Variants in ZMYND15 observed in about 807,000 individuals in gnomAD.
ZMYND15 encodes zinc finger MYND-type containing 15, also known as zinc finger MYND domain-containing protein 15.
Under a neutral mutation model 81.7 loss-of-function variants are expected in ZMYND15, and 54 were observed. That is an observed-to-expected ratio of 0.66 (90% CI 0.53 to 0.83). ZMYND15 has a LOEUF of 0.83. ZMYND15 is among the 40% of genes least tolerant of loss of function. The probability of loss-of-function intolerance (pLI) is 0.00; values close to 1 mark genes in which losing one functional copy is unlikely to be tolerated. For synonymous variants in ZMYND15, 399 were observed against 387.0 expected (o/e 1.03, Z -0.36); for missense variants, 925 against 973.5 (o/e 0.95, Z 0.66).
At chr17:4,741,240 A>G (rs962910357) in intron 2 of ZMYND15, 100 bp downstream of exon 2, 55 of 1,300,014 alleles carry the variant, frequency 4.2e-5, no homozygotes, top group Non-Finnish European at 5.1e-5. Flanking sequence ...CTTCAGGCCA[A>G]TCTGGCCTGA....
chr17:4,742,313 C>T lies in ZMYND15; in HGVS notation c.984-18C>T. 6.2e-7 allele frequency: 1 copy of T among 1,612,410 alleles called. No homozygotes were observed. Among genetic ancestry groups the T allele is most frequent in the Non-Finnish European group, 8.5e-7 (1 of 1,178,814 alleles). Reference sequence around the variant, plus strand: ...ACAGAGGTTAACACTAGGTGCCCACCACCCGCTGTGTCCCCAGCCCCCAGT... The same window carrying T: ...ACAGAGGTTAACACTAGGTGCCCACTACCCGCTGTGTCCCCAGCCCCCAGT... On this transcript the variant is annotated intron_variant, in intron 4 of 13. Coordinates refer to ENST00000433935, the MANE Select transcript of ZMYND15 (RefSeq NM_001136046.3).
chr17:4,743,725 G>T lies in ZMYND15; in HGVS notation c.1298-42G>T. The stretch of plus-strand genomic sequence containing the variant: ...GGAAGAAAGAGATGGGTCAGGTGGG[G>T]GTCTCCCTGACCCCAGGCCCCTCCT... On this transcript the variant is annotated intron_variant, in intron 6 of 13. Transcript: ENST00000433935. This position sits in a 1 kb window ranked among gnomAD's most constrained non-coding sequence, Gnocchi z 4.3. 1 of 1,570,484 alleles carries T rather than the reference G, an allele frequency of 6.4e-7. No individual in the cohort carries two copies. The highest frequency in any genetic ancestry group is 1.1e-5 in the South Asian group (1 of 87,334).
chr17:4,740,137 C>G (rs1916318426), intron 1 of ZMYND15, 87 bp downstream of exon 1: 1 of 936,086 alleles, frequency 1.1e-6, no homozygotes, highest in Non-Finnish European at 1.3e-6. Flanking sequence ...CCCCCTCGCT[C>G]CCACTCCCAT....
In ZMYND15 at chr17:4,744,705, C is replaced by G; in HGVS notation, c.1764C>G (p.Arg588=). Reference sequence around the variant, plus strand: ...CTGGCACTAAGGAGAAAGGGGGCCGCAGGGACCTGCAGATCAAGGTGTCAG... The same window carrying G: ...CTGGCACTAAGGAGAAAGGGGGCCGGAGGGACCTGCAGATCAAGGTGTCAG... ...PSSGTKEKGG[R]RDLQIKVSAR... Residue 588 remains arginine (R), a synonymous_variant, in exon 11 of 14, where the codon CGC becomes CGG. Transcript: ENST00000433935. The surrounding 1 kb of genome is among the most constrained non-coding windows in gnomAD (Gnocchi z 4.1). 1 of 1,614,096 alleles carries G rather than the reference C, an allele frequency of 6.2e-7. No homozygotes were observed. The highest frequency in any genetic ancestry group is 8.5e-7 in the Non-Finnish European group (1 of 1,180,014).
chr17:4,741,537 T>C (rs1209010181), intron 2 of ZMYND15, 45 bp from the exon 3 acceptor site: 4 of 1,607,024 alleles, frequency 2.5e-6, no homozygotes, highest in Middle Eastern at 1.6e-4. Flanking sequence ...ACCACATTTG[T>C]CTCTCGCTGC....
rs772756482 is a variant in ZMYND15, at chr17:4,743,419, C to G, written c.1261C>G (p.Arg421Gly). The change falls in exon 6 of 14, where the codon CGA becomes GGA. Residue 421 changes from arginine (R) to glycine (G), a missense_variant. Transcript: ENST00000433935. The surrounding 1 kb of genome is among the most constrained non-coding windows in gnomAD (Gnocchi z 4.3). ...IPGPGFSRHP[R>G]GNTPSLSLLR... ...AGGCCCGGGCTTCTCCAGACACCCC[C>G]GAGGCAACACGCCATCCCTCAGCCT... 6.2e-7 allele frequency: 1 copy of G among 1,613,808 alleles called. No homozygotes were observed. The highest frequency in any genetic ancestry group is 1.7e-5 in the Admixed American group (1 of 60,008).
chr17:4,740,627 GC>G lies in ZMYND15; in HGVS notation c.80del (p.Ala27GlufsTer6). ...CTTCGGCTGGTTCCGAAAGTTTGTG[GC>G]AGAGCGTGGAGCTGTAGGGACTAGC... ...LLFGWFRKFV[A>X]ERGAVGTSLE... On this transcript the variant is annotated frameshift_variant, in exon 2 of 14. Coordinates refer to ENST00000433935, the MANE Select transcript of ZMYND15 (RefSeq NM_001136046.3). LOFTEE classifies it high-confidence loss of function. The G allele has an allele frequency of 6.2e-7, 1 of 1,613,658 alleles. No homozygotes were observed. The highest frequency in any genetic ancestry group is 1.1e-5 in the South Asian group (1 of 91,040).
At position 4,745,523 on chromosome 17, in the gene ZMYND15, C is replaced by T. The variant is rs1188346695; in HGVS notation, c.2057+148C>T. ...CAGCAACCTGCCTTCTCTGTCCCCA[C>T]TACTCGTCGCCCCCATGGGAGGTCT... On this transcript the variant is annotated intron_variant, in intron 13 of 13. Coordinates refer to ENST00000433935, the MANE Select transcript of ZMYND15 (RefSeq NM_001136046.3). This position sits in a 1 kb window ranked among gnomAD's most constrained non-coding sequence, Gnocchi z 5.2. 1 of 928,394 alleles carries T rather than the reference C, an allele frequency of 1.1e-6. No individual in the cohort carries two copies. The highest frequency in any genetic ancestry group is 1.7e-5 in the African/African-American group (1 of 59,420). The allele number at this position is 928,394 out of a possible 1,614,324, so 57.5% of individuals were successfully genotyped here.
In ZMYND15 at chr17:4,746,078, A is replaced by C; in HGVS notation, c.*88A>C. 1 of 1,278,932 alleles carries C rather than the reference A, an allele frequency of 7.8e-7. No homozygotes were observed. Among genetic ancestry groups the C allele is most frequent in the Non-Finnish European group, 1.0e-6 (1 of 987,884 alleles). The allele number at this position is 1,278,932 out of a possible 1,614,324, so 79.2% of individuals were successfully genotyped here. On this transcript the variant is annotated 3_prime_UTR_variant, in exon 14 of 14. Coordinates refer to ENST00000433935, the MANE Select transcript of ZMYND15 (RefSeq NM_001136046.3). ...GGCCTAGGGGGAGGACAGGTTGGTA[A>C]AACATGAAAAGGTAAATAAAATTAC...
Position 4,741,095 on chromosome 17 carries a change from G to A in ZMYND15, c.547G>A (p.Val183Met). 6.5e-7 allele frequency: 1 copy of A among 1,530,008 alleles called. No homozygotes were observed. Among genetic ancestry groups the A allele is most frequent in the African/African-American group, 1.4e-5 (1 of 72,638 alleles). 94.8% of individuals were successfully genotyped at this position (1,530,008 alleles called of 1,614,324 possible). ...GGKDGCREDR[V>M]ENETRPQKRK... ...CAAGGATGGCTGCCGAGAGGACAGG[G>A]TGGAGAACGAAACAAGACCCCAGAA... The change falls in exon 2 of 14, where the codon GTG becomes ATG. Residue 183 changes from valine to methionine, a missense_variant. Coordinates refer to ENST00000433935, the MANE Select transcript of ZMYND15 (RefSeq NM_001136046.3).
At position 4,743,977 on chromosome 17, in the gene ZMYND15, C is replaced by T; in HGVS notation, c.1379-14C>T. 1 of 1,554,414 alleles carries T rather than the reference C, an allele frequency of 6.4e-7. No individual in the cohort carries two copies. The highest frequency in any genetic ancestry group is 8.7e-7 in the Non-Finnish European group (1 of 1,147,924). On this transcript the variant is annotated splice_polypyrimidine_tract_variant and intron_variant, in intron 7 of 13. Coordinates refer to ENST00000433935, the MANE Select transcript of ZMYND15 (RefSeq NM_001136046.3). The surrounding 1 kb of genome is among the most constrained non-coding windows in gnomAD (Gnocchi z 4.3). ...GGTCCAGGGCCAGGTCCTCTAGCAA[C>T]CCTCTCCTGCCAGGCTCATGGCAGG...
Position 4,745,874 on chromosome 17 carries a change from G to A in ZMYND15, c.2113G>A (p.Ala705Thr), listed in dbSNP as rs201991041. ...LVYKPAQGSG[A>T]RPAPGPPPPS... The stretch of plus-strand genomic sequence containing the variant: ...TTACAAGCCTGCTCAAGGGAGCGGG[G>A]CCCGCCCGGCGCCCGGGCCCCCACC... Residue 705 changes from alanine (A) to threonine (T), a missense_variant, in exon 14 of 14, where the codon GCC becomes ACC. Coordinates refer to ENST00000433935, the MANE Select transcript of ZMYND15 (RefSeq NM_001136046.3). This position sits in a 1 kb window ranked among gnomAD's most constrained non-coding sequence, Gnocchi z 5.2. 2.3e-4 allele frequency: 366 copies of A among 1,574,936 alleles called. No homozygotes were observed. The highest frequency in any genetic ancestry group is 2.8e-4 in the Non-Finnish European group (326 of 1,163,040).
chr17:4,741,013 C>G lies in ZMYND15; in HGVS notation c.465C>G (p.Pro155=), dbSNP rs770095246. 3 of 1,554,668 alleles carry G rather than the reference C, an allele frequency of 1.9e-6. No homozygotes were observed. Among genetic ancestry groups the G allele is most frequent in the South Asian group, 2.4e-5 (2 of 84,298 alleles). ...RELAPTSRES[P]QETNPPGESE... ...TAGCCCCTACCAGCAGGGAGTCCCC[C>G]CAGGAAACAAACCCTCCAGGAGAGT... is the stretch of plus-strand genomic sequence containing the variant. The change falls in exon 2 of 14, where the codon CCC becomes CCG. Residue 155 remains proline (P), a synonymous_variant. Transcript: ENST00000433935.
In ZMYND15 at chr17:4,745,391, C is replaced by T. The variant is rs575077745; in HGVS notation, c.2057+16C>T. On this transcript the variant is annotated intron_variant, in intron 13 of 13. Coordinates refer to ENST00000433935, the MANE Select transcript of ZMYND15 (RefSeq NM_001136046.3). The surrounding 1 kb of genome is among the most constrained non-coding windows in gnomAD (Gnocchi z 5.2). ...GCATGTCCTGGTAAGGGTCTGCGAC[C>T]CTATTTCCTTCCTGACCCTTAACTT... The T allele has an allele frequency of 1.4e-4, 214 of 1,579,326 alleles. 1 individual carries two copies. In the South Asian group the frequency reaches 2.4e-3, roughly 17 times the overall value.
At position 4,741,681 on chromosome 17, in the gene ZMYND15, C is replaced by T; in HGVS notation, c.692C>T (p.Ala231Val). 6.2e-7 allele frequency: 1 copy of T among 1,614,122 alleles called. No individual in the cohort carries two copies. Among genetic ancestry groups the T allele is most frequent in the African/African-American group, 1.3e-5 (1 of 75,034 alleles). Reference sequence around the variant, plus strand: ...CTAGTGGATGGAGCCCAGGGAACCGCAAGCTGGGGCTCAGGGACCAAGGAC... The same window carrying T: ...CTAGTGGATGGAGCCCAGGGAACCGTAAGCTGGGGCTCAGGGACCAAGGAC... Reference protein sequence around the residue: ...DLLVDGAQGTASWGSGTKDLA... With the variant: ...DLLVDGAQGTVSWGSGTKDLA... The change falls in exon 3 of 14, where the codon GCA becomes GTA. Residue 231 changes from alanine to valine, a missense_variant. Physicochemically the swap from Ala to Val is moderately conservative, Grantham distance 64. Coordinates refer to ENST00000433935, the MANE Select transcript of ZMYND15 (RefSeq NM_001136046.3).
Position 4,741,031 on chromosome 17 carries a change from A to T in ZMYND15, c.483A>T (p.Pro161=), listed in dbSNP as rs529137736. Residue 161 remains proline (P), a synonymous_variant, in exon 2 of 14, where the codon CCA becomes CCT. Coordinates refer to ENST00000433935, the MANE Select transcript of ZMYND15 (RefSeq NM_001136046.3). ...SRESPQETNP[P]GESEEAAREA... is the part of the protein sequence containing the mutation. ...AGTCCCCCCAGGAAACAAACCCTCC[A>T]GGAGAGTCAGAGGAGGCTGCCCGGG... 127 of 1,552,952 alleles carry T rather than the reference A, an allele frequency of 8.2e-5. 1 individual carries two copies. The South Asian group carries it at 1.2e-3, about 15-fold the overall frequency.
In ZMYND15 at chr17:4,743,841, GT is replaced by G. The variant is rs1420387848; in HGVS notation, c.1377del (p.Phe459LeufsTer19). On this transcript the variant is annotated frameshift_variant, in exon 7 of 14. Transcript: ENST00000433935. LOFTEE classifies it high-confidence loss of function. The surrounding 1 kb of genome is among the most constrained non-coding windows in gnomAD (Gnocchi z 4.3). ...PPVPPHPPRG[V>X]FGSWQDYYTW... ...TGTGCCCCCACATCCACCCCGGGGT[GT>G]TTTTGGTGAGCTGGAGGGGCCCTGT... 1 of 1,613,914 alleles carries G rather than the reference GT, an allele frequency of 6.2e-7. No individual in the cohort carries two copies. Among genetic ancestry groups the G allele is most frequent in the Admixed American group, 1.7e-5 (1 of 60,000 alleles).
At position 4,745,148 on chromosome 17, in the gene ZMYND15, C is replaced by G. The variant is rs1417002898; in HGVS notation, c.1897-67C>G. On this transcript the variant is annotated intron_variant, in intron 12 of 13. Transcript: ENST00000433935. This position sits in a 1 kb window ranked among gnomAD's most constrained non-coding sequence, Gnocchi z 5.2. ...CGGGGACCTCGGCTTTCAGCCCGGTCTGTCATTCTGGCTGCTGGGATGGAT... is the reference window on the plus strand; with the variant it reads ...CGGGGACCTCGGCTTTCAGCCCGGTGTGTCATTCTGGCTGCTGGGATGGAT... 4.3e-6 allele frequency: 7 copies of G among 1,610,914 alleles called. No homozygotes were observed. Among genetic ancestry groups the G allele is most frequent in the Non-Finnish European group, 5.1e-6 (6 of 1,178,394 alleles).
Position 4,743,449 on chromosome 17 carries a change from C to T in ZMYND15, c.1291C>T (p.Arg431Cys), listed in dbSNP as rs145250532. The T allele has an allele frequency of 1.9e-5, 30 of 1,614,038 alleles. No individual in the cohort carries two copies. In the African/African-American group the frequency reaches 2.7e-4, roughly 14 times the overall value. Residue 431 changes from arginine (R) to cysteine (C), a missense_variant, in exon 6 of 14, where the codon CGC becomes TGC. Arg to Cys is a radical substitution (Grantham distance 180). Transcript: ENST00000433935. The surrounding 1 kb of genome is among the most constrained non-coding windows in gnomAD (Gnocchi z 4.3). ...CAACACGCCATCCCTCAGCCTTCTT[C>T]GCGGTGGTGCGTGGGGTCTCTCCAG... The part of the protein sequence containing the change: ...RGNTPSLSLL[R>C]GGDPYQLLQG...
Sources: allele counts gnomAD v4.1 joint callset, GRCh38; gene constraint gnomAD v4.1.1; non-coding constraint Gnocchi (gnomAD v3.1); transcripts MANE v1.5; gene names NCBI Gene and HGNC (gene_info 2026-07-23, HGNC 2026-07-21).